Variants in NAV1 observed in about 807,000 individuals in gnomAD.
NAV1 encodes pore membrane and/or filament interacting like protein 3.
A neutral mutation model predicts 175.2 loss-of-function variants in NAV1; 18 were observed. The ratio of observed to expected loss-of-function variants is 0.10; its 90% CI spans 0.07 to 0.15. The LOEUF (loss-of-function observed/expected upper bound fraction) is 0.15. NAV1 is among the 10% of genes least tolerant of loss of function. The pLI, the probability that NAV1 is intolerant of heterozygous loss-of-function variation, is 1.00. For missense variants in NAV1, 1,731 were observed against 2,436.6 expected, an observed-to-expected ratio of 0.71 and a Z score of 6.10; for synonymous variants, 897 against 978.7, an observed-to-expected ratio of 0.92 and a Z score of 1.56.
chr1:201,787,899 C>T lies in NAV1; in HGVS notation c.2996-569C>T. ...CCGGGGCAATGCTAGGCAAAGAGGGCCATGTTTCTTGATGCTTTAGCGCCA... is the reference window on the plus strand; with the variant it reads ...CCGGGGCAATGCTAGGCAAAGAGGGTCATGTTTCTTGATGCTTTAGCGCCA... On this transcript the variant is annotated intron_variant, in intron 9 of 29. Transcript: ENST00000367296. This position sits in a 1 kb window ranked among gnomAD's most constrained non-coding sequence, Gnocchi z 4.3. 2.9e-6 allele frequency: 1 copy of T among 343,682 alleles called. No individual in the cohort carries two copies. The highest frequency in any genetic ancestry group is 3.8e-5 in the Admixed American group (1 of 26,556). 21.3% of individuals were successfully genotyped at this position (343,682 alleles called of 1,614,324 possible). A position where few individuals can be genotyped will look rare whatever the true frequency, so the allele number is the denominator to read the frequency against.
intron 1 of NAV1, among the ~76,000 whole-genome samples, chr1:201,572,569 C>G (rs1666576936): frequency 6.6e-6 from 1 of 151,814 alleles, no homozygotes; most frequent in Non-Finnish European, 1.5e-5. Context: ...GGGGTTTCAC[C>G]ATATTGGCCA....
Position 201,694,649 on chromosome 1 carries a change from A to G in NAV1, c.758-18168A>G, listed in dbSNP as rs527316195. Among the ~76,000 whole-genome samples the G allele has an allele frequency of 7.3e-4, 111 of 152,182 alleles. No homozygotes were observed. The highest frequency in any genetic ancestry group is 3.4e-3 in the Middle Eastern group (1 of 294). On this transcript the variant is annotated intron_variant, in intron 1 of 29. Coordinates refer to ENST00000367296, the Ensembl canonical transcript of NAV1. The surrounding 1 kb of genome is among the most constrained non-coding windows in gnomAD (Gnocchi z 4.2). ...TGCTATTGACAAAGATGAGAAGTGA[A>G]CCGGGAGCCGTAAATAGCCAGGAGC...
chr1:201,590,433 T>C (rs1219509366), intron 2 of NAV1, among the ~76,000 whole-genome samples: 3 of 152,242 alleles, frequency 2.0e-5, no homozygotes, highest in Non-Finnish European at 2.9e-5. Flanking sequence ...AGGTATAATT[T>C]ACATGAAATG....
intron 1 of NAV1, among the ~76,000 whole-genome samples, chr1:201,553,557 AAC>A (rs1383407636): frequency 6.6e-6 from 1 of 152,236 alleles, no homozygotes; most frequent in Non-Finnish European, 1.5e-5. Context: ...CAAACAGTGA[AAC>A]ACACAGATCG....
chr1:201,667,057 C>T (rs1011095517), intron 1 of NAV1, among the ~76,000 whole-genome samples: 4 of 142,928 alleles, frequency 2.8e-5, no homozygotes, highest in Non-Finnish European at 4.6e-5. Context: ...TGAGGATGTC[C>T]CCTCACCTCT....
chr1:201,718,385 C>T lies in NAV1; in HGVS notation c.861-5C>T. 2.0e-6 allele frequency: 3 copies of T among 1,533,562 alleles called. No homozygotes were observed. Among genetic ancestry groups the T allele is most frequent in the Non-Finnish European group, 1.8e-6 (2 of 1,135,562 alleles). The allele number at this position is 1,533,562 out of a possible 1,614,324, so 95.0% of individuals were successfully genotyped here. A position where few individuals can be genotyped will look rare whatever the true frequency, so the allele number is the denominator to read the frequency against. On this transcript the variant is annotated splice_polypyrimidine_tract_variant and splice_region_variant and intron_variant, in intron 2 of 29. Coordinates refer to ENST00000367296, the Ensembl canonical transcript of NAV1. The surrounding 1 kb of genome is among the most constrained non-coding windows in gnomAD (Gnocchi z 4.8). ...ACTAAGTAGTGCCTTCTGCTCTCCA[C>T]CCAGCTCCCTGGAGATGACCTGCTA...
At chr1:201,677,623 T>A (rs972777727) in intron 1 of NAV1, among the ~76,000 whole-genome samples, 19 of 152,196 alleles carry the variant, frequency 1.2e-4, no homozygotes, top group African/African-American at 4.1e-4. Context: ...ACTCACCATC[T>A]TTTTTGTTTG....
At chr1:201,751,999 G>C (rs1269950946) in intron 3 of NAV1, among the ~76,000 whole-genome samples, 1 of 152,132 alleles carries the variant, frequency 6.6e-6, no homozygotes, top group African/African-American at 2.4e-5. Flanking sequence ...CCATAAAAAC[G>C]AAGGTCTTTC....
chr1:201,609,997 G>A (rs1254706458), intron 2 of NAV1, among the ~76,000 whole-genome samples: 1 of 152,174 alleles, frequency 6.6e-6, no homozygotes. Flanking sequence ...CATGCCAATT[G>A]TTGGGGTGTT....
intron 1 of NAV1, among the ~76,000 whole-genome samples, chr1:201,661,716 A>C (rs1215130000): frequency 6.6e-6 from 1 of 152,166 alleles, no homozygotes; most frequent in East Asian, 1.9e-4. Flanking sequence ...TGCAGATGTC[A>C]GCCCCATCAG....
At chr1:201,669,963 A>AT (rs753596298) in intron 1 of NAV1, among the ~76,000 whole-genome samples, 10 of 149,814 alleles carry the variant, frequency 6.7e-5, no homozygotes, top group Non-Finnish European at 1.2e-4. Context: ...CTGTGCATTG[A>AT]TTTTTTTTTT....
At chr1:201,544,254 G>A (rs971870172) in intron 1 of NAV1, among the ~76,000 whole-genome samples, 2 of 152,208 alleles carry the variant, frequency 1.3e-5, no homozygotes, top group Admixed American at 1.3e-4. Context: ...CACTGTGAGG[G>A]TTAGAACTAC....
upstream of NAV1, chr1:201,622,825 G>T (rs560479987): frequency 1.0e-6 from 1 of 985,276 alleles, no homozygotes. Context: ...TGTGCCTGAC[G>T]GTCTTTTTTT....
chr1:201,775,789 G>A (rs1039035560), intron 3 of NAV1, among the ~76,000 whole-genome samples: 1 of 152,172 alleles, frequency 6.6e-6, no homozygotes, highest in Non-Finnish European at 1.5e-5. Flanking sequence ...TGGGCGCAGT[G>A]GCTCGCAACT....
intron 1 of NAV1, among the ~76,000 whole-genome samples, chr1:201,660,218 A>G (rs1669557808): frequency 6.6e-6 from 1 of 152,210 alleles, no homozygotes; most frequent in Non-Finnish European, 1.5e-5. Flanking sequence ...CAGGCAGGCC[A>G]GTGCTGCTGC....
intron 2 of NAV1, among the ~76,000 whole-genome samples, chr1:201,633,402 TG>T (rs909600606): frequency 1.3e-5 from 2 of 152,220 alleles, no homozygotes; most frequent in African/African-American, 4.8e-5. Flanking sequence ...ATATAAAACC[TG>T]TCTGAGGACA....
rs746327576 is a variant in NAV1, at chr1:201,608,055, A to AT, written c.-32-14793dup. Among the ~76,000 whole-genome samples, 15 of 152,134 alleles carry AT rather than the reference A, an allele frequency of 9.9e-5. No homozygotes were observed. In the East Asian group the frequency reaches 2.5e-3, roughly 25 times the overall value. ...CCAAGTTTTTTCTAATGCACATGTT[A>AT]TTTTTATAAGTAATAAGAACTACCC... On this transcript the variant is annotated intron_variant, in intron 2 of 33. Transcript: ENST00000685211.
chr1:201,648,391 C>T (rs1483071746), exon 1 of NAV1: 1 of 1,228,782 alleles, frequency 8.1e-7, no homozygotes, highest in Admixed American at 4.2e-5. Context: ...CCCGCCGCCC[C>T]GCCCCTTTTC....
intron 2 of NAV1, among the ~76,000 whole-genome samples, chr1:201,594,072 C>CTTTTTTT (rs5780076): frequency 7.1e-6 from 1 of 140,910 alleles, no homozygotes. Flanking sequence ...GGGAGTGGCA[C>CTTTTTTT]TTTTTTTTTT....
Sources: allele counts gnomAD v4.1 joint callset (sites outside exome capture counted in the v4.1 genomes callset), GRCh38; gene constraint gnomAD v4.1.1; non-coding constraint Gnocchi (gnomAD v3.1); transcripts MANE v1.5; gene names NCBI Gene and HGNC (gene_info 2026-07-23, HGNC 2026-07-21).